Variants in ZNF521 observed in about 807,000 individuals in gnomAD.
ZNF521 encodes zinc finger protein 521.
A neutral mutation model predicts 105.5 loss-of-function variants in ZNF521; 14 were observed. The ratio of observed to expected loss-of-function variants is 0.13; its 90% confidence interval spans 0.09 to 0.21. The LOEUF is 0.21. Ranked by LOEUF, ZNF521 falls within the 10% of genes least tolerant of loss-of-function variation. The pLI is 1.00. For synonymous variants in ZNF521, 635 were observed against 606.0 expected, an observed-to-expected ratio of 1.05 and a Z score of -0.70; for missense variants, 1,233 against 1,629.7, an observed-to-expected ratio of 0.76 and a Z score of 4.19.
chr18:25,254,687 T>C (rs957547364), intron 3 of ZNF521, among the ~76,000 whole-genome samples: 11 of 152,092 alleles, frequency 7.2e-5, no homozygotes, highest in African/African-American at 2.7e-4. Flanking sequence ...AGGGAATGGG[T>C]ACCCATGGGA....
chr18:25,222,489 A>G (rs1905792102), intron 4 of ZNF521, among the ~76,000 whole-genome samples: 1 of 152,222 alleles, frequency 6.6e-6, no homozygotes, highest in Non-Finnish European at 1.5e-5. Context: ...CCCTTTCATA[A>G]ACAATCTACT....
intron 5 of ZNF521, among the ~76,000 whole-genome samples, chr18:25,187,921 CT>C (rs1318015776): frequency 6.6e-6 from 1 of 152,108 alleles, no homozygotes; most frequent in African/African-American, 2.4e-5. Context: ...AATTTGTTGG[CT>C]TTTGAAGGCA....
chr18:25,269,106 CAAA>C (rs199827639), intron 3 of ZNF521, among the ~76,000 whole-genome samples: 14 of 60,746 alleles, frequency 2.3e-4, no homozygotes, highest in East Asian at 4.2e-4. Context: ...AAATGGAAAG[CAAA>C]AAAAAAAAAA....
intron 4 of ZNF521, among the ~76,000 whole-genome samples, chr18:25,199,431 C>A (rs982919342): frequency 6.6e-6 from 1 of 151,802 alleles, no homozygotes; most frequent in African/African-American, 2.4e-5. Context: ...AGATATCAAT[C>A]TGACTATCAG....
intron 2 of ZNF521, among the ~76,000 whole-genome samples, chr18:25,347,715 T>C (rs1914523795): frequency 6.6e-6 from 1 of 152,228 alleles, no homozygotes; most frequent in African/African-American, 2.4e-5. Context: ...CAACTGTTAA[T>C]AGAAATGTCC....
At chr18:25,096,777 C>T (rs2033859954) in intron 5 of ZNF521, among the ~76,000 whole-genome samples, 1 of 152,122 alleles carries the variant, frequency 6.6e-6, no homozygotes, top group Non-Finnish European at 1.5e-5. Context: ...GAAGGGTCCT[C>T]CAGCCTCTTC....
intron 5 of ZNF521, among the ~76,000 whole-genome samples, chr18:25,132,353 G>C (rs1253003467): frequency 6.6e-6 from 1 of 152,056 alleles, no homozygotes; most frequent in Admixed American, 6.6e-5. Context: ...ATAAATGGTA[G>C]GATGTTTAGG....
chr18:25,151,328 A>G (rs908446139), intron 5 of ZNF521, among the ~76,000 whole-genome samples: 1 of 152,162 alleles, frequency 6.6e-6, no homozygotes, highest in Non-Finnish European at 1.5e-5. Context: ...AGTTTCTTTG[A>G]TAAACCTTCT....
Position 25,225,668 on chromosome 18 carries a change from T to G in ZNF521, c.2250A>C (p.Lys750Asn). Residue 750 changes from lysine (K) to asparagine (N), a missense_variant, in exon 4 of 8, where the codon AAA becomes AAC. Lys to Asn is a moderately conservative substitution (Grantham distance 94). Around this residue, in one of 6 missense-constraint regions of ZNF521, gnomAD observed 614 missense variants for 751.5 expected, o/e 0.82. Coordinates refer to ENST00000361524, the MANE Select transcript of ZNF521 (RefSeq NM_015461.3). The surrounding 1 kb of genome is among the most constrained non-coding windows in gnomAD (Gnocchi z 5.6). ...HLAVKHSNEKKVYRCTSCNWD... is the reference protein window; with the variant it reads ...HLAVKHSNEKNVYRCTSCNWD... ...AGTTGCAAGATGTGCACCTATAGACTTTCTTTTCGTTACTGTGCTTCACAG... is the reference window on the plus strand; with the variant it reads ...AGTTGCAAGATGTGCACCTATAGACGTTCTTTTCGTTACTGTGCTTCACAG... The G allele has an allele frequency of 6.2e-7, 1 of 1,614,186 alleles. No homozygotes were observed. Among genetic ancestry groups the G allele is most frequent in the Non-Finnish European group, 8.5e-7 (1 of 1,180,024 alleles).
chr18:25,161,771 T>C (rs2035255559), intron 5 of ZNF521, among the ~76,000 whole-genome samples: 2 of 152,236 alleles, frequency 1.3e-5, no homozygotes, highest in African/African-American at 4.8e-5. Flanking sequence ...AGAGAGTAGG[T>C]TAAGCACTAA....
At position 25,270,426 on chromosome 18, in the gene ZNF521, T is replaced by C. The variant is rs565376817; in HGVS notation, c.221-42729A>G. On this transcript the variant is annotated intron_variant, in intron 3 of 7. Coordinates refer to ENST00000361524, the MANE Select transcript of ZNF521 (RefSeq NM_015461.3). ...ACAGAACTCTTCCTAACTCATTTTA[T>C]GAGGCCAGCATCATCTTGATACCAA... 2.6e-5 allele frequency among the ~76,000 whole-genome samples: 4 copies of C among 152,328 alleles called. No individual in the cohort carries two copies. In the South Asian group the frequency reaches 8.3e-4, roughly 32 times the overall value.
intron 3 of ZNF521, among the ~76,000 whole-genome samples, chr18:25,303,578 G>A (rs893655155): frequency 6.6e-6 from 1 of 152,124 alleles, no homozygotes; most frequent in African/African-American, 2.4e-5. Context: ...TTACAAGCAT[G>A]AGCCACCACG....
intron 5 of ZNF521, among the ~76,000 whole-genome samples, chr18:25,125,179 TTC>T (rs1259610266): frequency 1.3e-5 from 2 of 152,278 alleles, no homozygotes; most frequent in South Asian, 2.1e-4. Context: ...GTGGATTTTC[TTC>T]TGTTTTTATT....
chr18:25,290,335 T>C (rs906249543), intron 3 of ZNF521, among the ~76,000 whole-genome samples: 8 of 152,206 alleles, frequency 5.3e-5, no homozygotes, highest in Non-Finnish European at 1.0e-4. Context: ...TAAGGGTTAA[T>C]ATCAGACTAT....
chr18:25,129,726 C>T (rs1323317399), intron 5 of ZNF521, among the ~76,000 whole-genome samples: 2 of 151,840 alleles, frequency 1.3e-5, no homozygotes, highest in Non-Finnish European at 2.9e-5. Flanking sequence ...CAAATAGGTA[C>T]ATAAAAAGAT....
intron 5 of ZNF521, among the ~76,000 whole-genome samples, chr18:25,113,095 T>C (rs552810881): frequency 3.7e-4 from 56 of 152,034 alleles, no homozygotes; most frequent in Non-Finnish European, 7.9e-4. Flanking sequence ...TTTGCAGTTA[T>C]GGAGGCTGGA....
chr18:25,265,088 G>GT (rs1909155662), intron 3 of ZNF521, among the ~76,000 whole-genome samples: 1 of 152,100 alleles, frequency 6.6e-6, no homozygotes, highest in African/African-American at 2.4e-5. Flanking sequence ...AACTGTGTTG[G>GT]TAAGTCAACT....
At chr18:25,350,223 C>A (rs1195597401) in intron 2 of ZNF521, among the ~76,000 whole-genome samples, 2 of 152,160 alleles carry the variant, frequency 1.3e-5, no homozygotes, top group Non-Finnish European at 1.5e-5. Context: ...CCGCGAAACG[C>A]AAAGGACTCC....
At chr18:25,314,991 G>A (rs1167456470) in intron 3 of ZNF521, among the ~76,000 whole-genome samples, 2 of 152,170 alleles carry the variant, frequency 1.3e-5, no homozygotes, top group Admixed American at 1.3e-4. Flanking sequence ...ATAGCACCCT[G>A]CTATTAAATC....
Sources: gnomAD v4.1 joint callset for allele counts (sites outside exome capture counted in the v4.1 genomes callset) on GRCh38, gnomAD v4.1.1 for gene constraint, gnomAD v4.1.1 regional missense constraint, Gnocchi (gnomAD v3.1) non-coding constraint, MANE v1.5 for transcripts, NCBI Gene and HGNC (gene_info 2026-07-23, HGNC 2026-07-21) for gene names.